GAS7: variants seen among roughly 807,000 people sequenced by gnomAD.
GAS7 encodes the protein growth arrest-specific protein 7.
A neutral mutation model predicts 71.1 loss-of-function variants in GAS7; 28 were observed. That is an observed-to-expected ratio of 0.39 (90% CI 0.29 to 0.54). The LOEUF (loss-of-function observed/expected upper bound fraction) is 0.54, where lower values mean the gene tolerates loss of function less well. GAS7 is among the 20% of genes least tolerant of loss of function. GAS7 has a pLI of 0.62. For missense variants in GAS7, 436 were observed against 627.8 expected (o/e 0.69, Z 3.27); for synonymous variants, 258 against 245.8 (o/e 1.05, Z -0.46).
chr17:10,006,317 T>TC, intron 2 of GAS7, among the ~76,000 whole-genome samples: 1 of 48,178 alleles, frequency 2.1e-5, no homozygotes, highest in South Asian at 1.1e-3. Flanking sequence ...CCCCAGATTC[T>TC]TTTTTTTTTT....
At chr17:9,983,452 C>T (rs999756219) in intron 2 of GAS7, among the ~76,000 whole-genome samples, 1 of 152,126 alleles carries the variant, frequency 6.6e-6, no homozygotes, top group African/African-American at 2.4e-5. Context: ...GATGGCGCCA[C>T]TACACTCCAG....
chr17:10,024,092 C>T (rs1356306495), intron 1 of GAS7, among the ~76,000 whole-genome samples: 2 of 152,018 alleles, frequency 1.3e-5, no homozygotes, highest in Non-Finnish European at 2.9e-5. Flanking sequence ...CCATTGTACT[C>T]CAGCCTGGGT....
intron 1 of GAS7, among the ~76,000 whole-genome samples, chr17:10,084,457 G>C (rs2073494297): frequency 1.3e-5 from 2 of 152,110 alleles, no homozygotes; most frequent in Admixed American, 1.3e-4. Flanking sequence ...CAGCTGCCCA[G>C]TATCCCTTCC....
chr17:10,181,056 G>T (rs1276049774), intron 1 of GAS7, among the ~76,000 whole-genome samples: 4 of 143,150 alleles, frequency 2.8e-5, no homozygotes, highest in African/African-American at 7.9e-5. Context: ...GCGGGGGGTG[G>T]GGGGTGGCAG....
At chr17:10,027,769 G>T (rs941992335) in intron 1 of GAS7, among the ~76,000 whole-genome samples, 15 of 152,204 alleles carry the variant, frequency 9.9e-5, no homozygotes, top group Non-Finnish European at 2.2e-4. Flanking sequence ...ATCGTGGCTT[G>T]TGCCTATAAT....
intron 2 of GAS7, among the ~76,000 whole-genome samples, chr17:10,005,026 T>TATATATA (rs2071416327): frequency 1.4e-5 from 2 of 141,882 alleles, no homozygotes; most frequent in African/African-American, 3.1e-5. Context: ...TCGCTCTCTC[T>TATATATA]CTCTATATAT....
chr17:10,057,356 T>C (rs1195274323), intron 1 of GAS7, among the ~76,000 whole-genome samples: 1 of 151,720 alleles, frequency 6.6e-6, no homozygotes, highest in Non-Finnish European at 1.5e-5. Context: ...GAGGAGCCTC[T>C]CTGCCCGGCC....
chr17:9,938,532 A>G (rs1389611599), intron 8 of GAS7, among the ~76,000 whole-genome samples: 1 of 150,278 alleles, frequency 6.7e-6, no homozygotes, highest in Non-Finnish European at 1.5e-5. Flanking sequence ...CTCTCTGAGC[A>G]CACACCAAGG....
At chr17:9,928,199 G>A (rs1022152906) in intron 9 of GAS7, among the ~76,000 whole-genome samples, 45 of 151,412 alleles carry the variant, frequency 3.0e-4, no homozygotes, top group African/African-American at 9.7e-4. Context: ...TGCAAGCCTC[G>A]CCTTCCAGGT....
At chr17:9,995,525 G>A (rs1383173424) in intron 2 of GAS7, among the ~76,000 whole-genome samples, 2 of 113,344 alleles carry the variant, frequency 1.8e-5, no homozygotes, top group Admixed American at 1.0e-4. Context: ...AAAAACAATT[G>A]CAAATGATCA....
intron 2 of GAS7, among the ~76,000 whole-genome samples, chr17:9,982,832 A>AG (rs200445071): frequency 0.016 from 2,130 of 129,422 alleles, 28 homozygotes; most frequent in Non-Finnish European, 0.029. Context: ...AAGGAAAGAA[A>AG]GAAAGAAAGA....
At chr17:10,174,040 T>C (rs550449289) in intron 1 of GAS7, among the ~76,000 whole-genome samples, 2 of 152,254 alleles carry the variant, frequency 1.3e-5, no homozygotes, top group South Asian at 2.1e-4. Context: ...TTCCCACATA[T>C]GAATAAGTGA....
At chr17:10,043,064 A>G (rs9909814) in intron 1 of GAS7, among the ~76,000 whole-genome samples, 1 of 152,158 alleles carries the variant, frequency 6.6e-6, no homozygotes, top group Non-Finnish European at 1.5e-5. Context: ...GTGAGATCCT[A>G]CAGGCTGACA....
intron 1 of GAS7, among the ~76,000 whole-genome samples, chr17:10,105,210 C>T (rs559252225): frequency 9.4e-4 from 143 of 152,218 alleles, no homozygotes; most frequent in Non-Finnish European, 1.7e-3. Context: ...AAGGCGTCTC[C>T]CTCTGCTTGG....
chr17:10,095,588 G>A (rs949208372), intron 1 of GAS7, among the ~76,000 whole-genome samples: 1 of 152,116 alleles, frequency 6.6e-6, no homozygotes, highest in Non-Finnish European at 1.5e-5. Flanking sequence ...TTCGGAGGCT[G>A]AGGCGGGCGG....
intron 2 of GAS7, among the ~76,000 whole-genome samples, chr17:9,999,255 T>C (rs1004702723): frequency 3.9e-5 from 6 of 152,178 alleles, no homozygotes; most frequent in Non-Finnish European, 8.8e-5. Context: ...CGGTGGCTCA[T>C]GCTTGTGATC....
Position 9,916,307 on chromosome 17 carries a change from G to C in GAS7, c.*921C>G, listed in dbSNP as rs2067580446. 4.3e-6 allele frequency: 1 copy of C among 233,294 alleles called. No homozygotes were observed. The highest frequency in any genetic ancestry group is 1.8e-4 in the South Asian group (1 of 5,538). 14.5% of individuals were successfully genotyped at this position (233,294 alleles called of 1,614,324 possible). A position where few individuals can be genotyped will look rare whatever the true frequency, so the allele number is the denominator to read the frequency against. ...GGCCAGGGCAGCCCAAAGGTGCACA[G>C]GGCACCGTGGCGGACAGGCCCCAGC... On this transcript the variant is annotated 3_prime_UTR_variant, in exon 14 of 14. Coordinates refer to ENST00000432992, the MANE Select transcript of GAS7 (RefSeq NM_201433.2).
At chr17:10,105,290 G>A (rs1029241812) in intron 1 of GAS7, among the ~76,000 whole-genome samples, 1 of 152,026 alleles carries the variant, frequency 6.6e-6, no homozygotes, top group Non-Finnish European at 1.5e-5. Flanking sequence ...GGCTCAGGTG[G>A]TGGCTCCTCC....
intron 1 of GAS7, among the ~76,000 whole-genome samples, chr17:10,124,695 G>A (rs1156929023): frequency 6.6e-6 from 1 of 152,166 alleles, no homozygotes; most frequent in East Asian, 1.9e-4. Flanking sequence ...GAGGCATGTG[G>A]ATCACCTAAG....
Sources: gnomAD v4.1 joint callset for allele counts (sites outside exome capture counted in the v4.1 genomes callset) on GRCh38, gnomAD v4.1.1 for gene constraint, MANE v1.5 for transcripts, NCBI Gene and HGNC (gene_info 2026-07-23, HGNC 2026-07-21) for gene names.